The following TBX2 variants were observed in gnomAD, a reference collection of about 807,000 sequenced individuals.
TBX2 encodes T-box transcription factor 2, also known as T-box transcription factor TBX2.
In TBX2, 19 loss-of-function variants were observed where a neutral mutation model predicts 48.4. The observed-to-expected ratio is 0.39, with a 90% CI of 0.27 to 0.58. TBX2 has a LOEUF of 0.58. Ranked by LOEUF, TBX2 falls within the 20% of genes least tolerant of loss-of-function variation. TBX2 has a pLI of 0.54. For missense variants in TBX2, 994 were observed against 1,006.5 expected (o/e 0.99, Z 0.17); for synonymous variants, 522 against 459.7 (o/e 1.14, Z -1.73).
chr17:61,405,278 A>G lies in TBX2; in HGVS notation c.1128A>G (p.Leu376=). 1 of 1,566,424 alleles carries G rather than the reference A, an allele frequency of 6.4e-7. No homozygotes were observed. Among genetic ancestry groups the G allele is most frequent in the Non-Finnish European group, 8.6e-7 (1 of 1,164,240 alleles). The part of the protein sequence containing the change: ...RLSEERAGAP[L]GRSPAPDSAS... ...GCGAGGAGCGTGCGGGGGCGCCGCT[A>G]GGCCGCAGCCCGGCTCCAGACAGCG... is the stretch of plus-strand genomic sequence containing the variant. Residue 376 remains leucine, a synonymous_variant, in exon 6 of 7, where the codon CTA becomes CTG. Transcript: ENST00000240328.
At position 61,405,627 on chromosome 17, in the gene TBX2, C is replaced by A; in HGVS notation, c.1477C>A (p.Pro493Thr). ...LGAGQPLFLH[P>T]GQFTMGPGAF... is the part of the protein sequence containing the mutation. The stretch of plus-strand genomic sequence containing the variant: ...AGCCGGCCAGCCGCTCTTCCTGCAC[C>A]CTGGACAGTTCACCATGGGCCCTGG... Residue 493 changes from proline (P) to threonine (T), a missense_variant, in exon 6 of 7, where the codon CCT becomes ACT. By Grantham distance (38) the Pro-to-Thr change is conservative (BLOSUM62 -1). Transcript: ENST00000240328. The A allele has an allele frequency of 1.9e-6, 3 of 1,566,596 alleles. No homozygotes were observed. The highest frequency in any genetic ancestry group is 2.6e-6 in the Non-Finnish European group (3 of 1,160,336).
In TBX2 at chr17:61,404,690, G is replaced by C; in HGVS notation, c.972G>C (p.Ser324=). 1 of 1,578,022 alleles carries C rather than the reference G, an allele frequency of 6.3e-7. No homozygotes were observed. The highest frequency in any genetic ancestry group is 8.6e-7 in the Non-Finnish European group (1 of 1,162,312). ...ERDGAESDAS[S]CDPPPAREPP... ...ATGGCGCGGAGTCAGACGCCTCGTCGTGCGACCCTCCCCCCGCGCGGGAAC... is the reference window on the plus strand; with the variant it reads ...ATGGCGCGGAGTCAGACGCCTCGTCCTGCGACCCTCCCCCCGCGCGGGAAC... Residue 324 remains serine (S), a synonymous_variant, in exon 5 of 7, where the codon TCG becomes TCC. Coordinates refer to ENST00000240328, the MANE Select transcript of TBX2 (RefSeq NM_005994.4).
chr17:61,400,189 G>A lies in TBX2; in HGVS notation c.13G>A (p.Ala5Thr), dbSNP rs781121351. Reference sequence around the variant, plus strand: ...GCCGGATGTCCCGATGAGAGAGCCGGCGCTGGCGGCCAGCGCCATGGCTTA... The same window carrying A: ...GCCGGATGTCCCGATGAGAGAGCCGACGCTGGCGGCCAGCGCCATGGCTTA... MREP[A>T]LAASAMAYHP... The change falls in exon 1 of 7, where the codon GCG becomes ACG. Residue 5 changes from alanine to threonine, a missense_variant. By Grantham distance (58) the Ala-to-Thr change is moderately conservative (BLOSUM62 0). Around this residue, in one of 5 missense-constraint regions of TBX2, gnomAD observed 165 missense variants for 136.8 expected, o/e 1.21. Transcript: ENST00000240328. The surrounding 1 kb of genome is among the most constrained non-coding windows in gnomAD (Gnocchi z 9.2). The A allele has an allele frequency of 5.2e-6, 6 of 1,143,150 alleles. No homozygotes were observed. In the Admixed American group the frequency reaches 9.6e-5, roughly 18 times the overall value. 70.8% of individuals were successfully genotyped at this position (1,143,150 alleles called of 1,614,324 possible).
rs370843795 is a variant in TBX2, at chr17:61,404,752, G to A, written c.1034G>A (p.Arg345His). 4 of 1,548,366 alleles carry A rather than the reference G, an allele frequency of 2.6e-6. No homozygotes were observed. The South Asian group carries it at 4.7e-5, about 18-fold the overall frequency. ...TSPGAAPSPL[R>H]LHRARAEEKS... ...CCGGGCGCAGCGCCCAGTCCGCTGC[G>A]CCTGCACCGGGCCCGAGGTGAGGGT... The change falls in exon 5 of 7, where the codon CGC becomes CAC. Residue 345 changes from arginine (R) to histidine (H), a missense_variant. This residue lies in a region of TBX2 where 639 missense variants were observed against 613.2 expected (regional missense o/e 1.04). Transcript: ENST00000240328.
chr17:61,403,283 C>CGAA lies in TBX2; in HGVS notation c.810+77_810+78insAAG. 1 of 1,570,956 alleles carries CGAA rather than the reference C, an allele frequency of 6.4e-7. No homozygotes were observed. Among genetic ancestry groups the CGAA allele is most frequent in the Non-Finnish European group, 8.6e-7 (1 of 1,167,450 alleles). Reference sequence around the variant, plus strand: ...CGTGCAGGCCCAACCGTCCGTTCATCGCCCCTCGAAGCCCCCTGCACGGGA... The same window carrying CGAA: ...CGTGCAGGCCCAACCGTCCGTTCATCGAAGCCCCTCGAAGCCCCCTGCACGGGA... On this transcript the variant is annotated intron_variant, in intron 3 of 6. Coordinates refer to ENST00000240328, the MANE Select transcript of TBX2 (RefSeq NM_005994.4). The surrounding 1 kb of genome is among the most constrained non-coding windows in gnomAD (Gnocchi z 5.8).
chr17:61,400,809 A>T lies in TBX2; in HGVS notation c.395+238A>T, dbSNP rs2060261011. On this transcript the variant is annotated intron_variant, in intron 1 of 6. Coordinates refer to ENST00000240328, the MANE Select transcript of TBX2 (RefSeq NM_005994.4). This position sits in a 1 kb window ranked among gnomAD's most constrained non-coding sequence, Gnocchi z 9.2. ...CCTCCGAATGAAATAAAACGAAAAC[A>T]TACTGCTAAAGAATAGCCCCAACCG... Among the ~76,000 whole-genome samples the T allele has an allele frequency of 6.6e-6, 1 of 152,200 alleles. No homozygotes were observed. Among genetic ancestry groups the T allele is most frequent in the Non-Finnish European group, 1.5e-5 (1 of 68,030 alleles).
Position 61,403,359 on chromosome 17 carries a change from G to C in TBX2, c.810+152G>C. 7.7e-7 allele frequency: 1 copy of C among 1,293,666 alleles called. No homozygotes were observed. The highest frequency in any genetic ancestry group is 1.0e-6 in the Non-Finnish European group (1 of 961,722). The allele number at this position is 1,293,666 out of a possible 1,614,324, so 80.1% of individuals were successfully genotyped here. A position where few individuals can be genotyped will look rare whatever the true frequency, so the allele number is the denominator to read the frequency against. On this transcript the variant is annotated intron_variant, in intron 3 of 6. Transcript: ENST00000240328. The surrounding 1 kb of genome is among the most constrained non-coding windows in gnomAD (Gnocchi z 5.8). ...AGCACCGAGCCTCGCATCCATACGC[G>C]CAGCACTCACGGAAGTCCTCAAGGC...
chr17:61,404,352 C>T (rs1370371836), intron 3 of TBX2, 69 bp from the exon 4 acceptor site: 27 of 1,511,594 alleles, frequency 1.8e-5, no homozygotes, highest in Admixed American at 8.1e-5. Context: ...ACCCGCTGAC[C>T]TCGGGGTGCC....
rs1054124946 is a variant in TBX2 at position 61,403,866 on chromosome 17, T to C, written c.811-555T>C. ...GTGAAAGAGAGGGTACGAGTGTCCG[T>C]GCCGGTCGTTGTGGCTTTGTGAACC... On this transcript the variant is annotated intron_variant, in intron 3 of 6. Transcript: ENST00000240328. The surrounding 1 kb of genome is among the most constrained non-coding windows in gnomAD (Gnocchi z 5.8). Among the ~76,000 whole-genome samples the C allele has an allele frequency of 3.3e-5, 5 of 152,322 alleles. No individual in the cohort carries two copies. The highest frequency in any genetic ancestry group is 6.5e-5 in the Admixed American group (1 of 15,310).
intron 5 of TBX2, 58 bp downstream of exon 5, chr17:61,404,827 T>TG: frequency 6.5e-7 from 1 of 1,531,996 alleles, no homozygotes; most frequent in African/African-American, 1.4e-5. Flanking sequence ...CTCAGGTCGC[T>TG]GGGCTGGTCT....
chr17:61,401,764 C>CCGCTGA lies in TBX2; in HGVS notation c.479_484dup (p.Ala160_Asp161dup), dbSNP rs756476175. ...TATATCCTGCTGATGGACATTGTAGCCGCTGACGATTGCCGCTATAAGTTC... is the reference window on the plus strand; with the variant it reads ...TATATCCTGCTGATGGACATTGTAGCCGCTGACGCTGACGATTGCCGCTATAAGTTC... On this transcript the variant is annotated inframe_insertion, in exon 2 of 7. Coordinates refer to ENST00000240328, the MANE Select transcript of TBX2 (RefSeq NM_005994.4). 7 of 1,613,146 alleles carry CCGCTGA rather than the reference C, an allele frequency of 4.3e-6. No individual in the cohort carries two copies. The highest frequency in any genetic ancestry group is 5.9e-6 in the Non-Finnish European group (7 of 1,180,022).
chr17:61,400,681 C>T lies in TBX2; in HGVS notation c.395+110C>T. The T allele has an allele frequency of 8.7e-7, 1 of 1,152,310 alleles. No homozygotes were observed. Among genetic ancestry groups the T allele is most frequent in the South Asian group, 1.6e-5 (1 of 62,332 alleles). 71.4% of individuals were successfully genotyped at this position (1,152,310 alleles called of 1,614,324 possible). ...ACTCCCGGCTCCCGGCTCCCGGCTC[C>T]AGGTTCTGGCCCTGACGCCACGCTT... On this transcript the variant is annotated intron_variant, in intron 1 of 6. Transcript: ENST00000240328. This position sits in a 1 kb window ranked among gnomAD's most constrained non-coding sequence, Gnocchi z 9.2.
At chr17:61,407,900 T>G (rs2060295104) in intron 6 of TBX2, 154 bp from the exon 7 acceptor site, 1 of 990,622 alleles carries the variant, frequency 1.0e-6, no homozygotes, top group Non-Finnish European at 1.5e-6. Flanking sequence ...CACTGGCTCA[T>G]GCTTACCTGT....
chr17:61,408,039 TTC>T lies in TBX2; in HGVS notation c.1687-13_1687-12del. On this transcript the variant is annotated splice_polypyrimidine_tract_variant and intron_variant, in intron 6 of 6. Transcript: ENST00000240328. Reference sequence around the variant, plus strand: ...GGCAAGATGTCTAACCCTCGTCTTGTTCTGTTTCTTCCAGGGAATTCCAATGC... The same window carrying T: ...GGCAAGATGTCTAACCCTCGTCTTGTTGTTTCTTCCAGGGAATTCCAATGC... 1 of 1,560,070 alleles carries T rather than the reference TTC, an allele frequency of 6.4e-7. No individual in the cohort carries two copies. Among genetic ancestry groups the T allele is most frequent in the Non-Finnish European group, 8.6e-7 (1 of 1,156,468 alleles).
rs758713361 is a variant in TBX2, at chr17:61,408,157, C to A, written c.1790C>A (p.Ala597Asp). ...GCTTTGCCCGCCACTAGTGCTGCAG[C>A]TGCCGCCGCCGCAGCCGCCGGCTCC... is the stretch of plus-strand genomic sequence containing the variant. The part of the protein sequence containing the change: ...ASALPATSAA[A>D]AAAAAAGSLS... The change falls in exon 7 of 7, where the codon GCT becomes GAT. Residue 597 changes from alanine (A) to aspartate (D), a missense_variant. Ala to Asp is a moderately radical substitution (Grantham distance 126). Around this residue, in one of 5 missense-constraint regions of TBX2, gnomAD observed 639 missense variants for 613.2 expected, o/e 1.04. Coordinates refer to ENST00000240328, the MANE Select transcript of TBX2 (RefSeq NM_005994.4). The A allele has an allele frequency of 3.7e-6, 6 of 1,611,268 alleles. No individual in the cohort carries two copies. In the Admixed American group the frequency reaches 1.0e-4, roughly 27 times the overall value.
Position 61,400,399 on chromosome 17 carries a change from C to A in TBX2, c.223C>A (p.Leu75Met). Residue 75 changes from leucine (L) to methionine (M), a missense_variant, in exon 1 of 7, where the codon CTG (leucine) becomes ATG (methionine). Coordinates refer to ENST00000240328, the MANE Select transcript of TBX2 (RefSeq NM_005994.4). This position sits in a 1 kb window ranked among gnomAD's most constrained non-coding sequence, Gnocchi z 9.2. The stretch of plus-strand genomic sequence containing the variant: ...GGCGGCAGCAGCGGCCGAGGCGGGG[C>A]TGCACGTCTCGGCACTGGGCCCGCA... ...AAAAAAAEAG[L>M]HVSALGPHPP... The A allele has an allele frequency of 6.8e-7, 1 of 1,461,074 alleles. No homozygotes were observed. Among genetic ancestry groups the A allele is most frequent in the Non-Finnish European group, 9.1e-7 (1 of 1,102,172 alleles). 90.5% of individuals were successfully genotyped at this position (1,461,074 alleles called of 1,614,324 possible).
At position 61,409,089 on chromosome 17, in the gene TBX2, G is replaced by T. The variant is rs1053523935; in HGVS notation, c.*583G>T. On this transcript the variant is annotated 3_prime_UTR_variant, in exon 7 of 7. Transcript: ENST00000240328. ...GAGTCCCCAGGGGAAAAAAAAAAAA[G>T]ATATTTATGAAATAAATGGTAATTT... is the stretch of plus-strand genomic sequence containing the variant. The T allele has an allele frequency of 2.7e-5, 4 of 146,998 alleles. No individual in the cohort carries two copies. The highest frequency in any genetic ancestry group is 2.0e-4 in the Admixed American group (3 of 14,878). 9.1% of individuals were successfully genotyped at this position (146,998 alleles called of 1,614,324 possible). A position where few individuals can be genotyped will look rare whatever the true frequency, so the allele number is the denominator to read the frequency against.
In TBX2 at chr17:61,403,330, C is replaced by T; in HGVS notation, c.810+123C>T. ...GGGATCCGCGCTCTTGCGGCCCGCC[C>T]CCGAGCACCGAGCCTCGCATCCATA... On this transcript the variant is annotated intron_variant, in intron 3 of 6. Transcript: ENST00000240328. The surrounding 1 kb of genome is among the most constrained non-coding windows in gnomAD (Gnocchi z 5.8). 1.4e-6 allele frequency: 2 copies of T among 1,448,570 alleles called. No homozygotes were observed. Among genetic ancestry groups the T allele is most frequent in the South Asian group, 2.5e-5 (2 of 78,658 alleles). The allele number at this position is 1,448,570 out of a possible 1,614,324, so 89.7% of individuals were successfully genotyped here. A position where few individuals can be genotyped will look rare whatever the true frequency, so the allele number is the denominator to read the frequency against.
In TBX2 at chr17:61,404,739, C is replaced by T; in HGVS notation, c.1021C>T (p.Pro341Ser). Residue 341 changes from proline to serine, a missense_variant, in exon 5 of 7, where the codon CCC becomes TCC. By Grantham distance (74) the Pro-to-Ser change is moderately conservative. This residue lies in a region of TBX2 where 639 missense variants were observed against 613.2 expected (regional missense o/e 1.04). Coordinates refer to ENST00000240328, the MANE Select transcript of TBX2 (RefSeq NM_005994.4). ...ACCACCCACCTCCCCGGGCGCAGCG[C>T]CCAGTCCGCTGCGCCTGCACCGGGC... is the stretch of plus-strand genomic sequence containing the variant. ...REPPTSPGAA[P>S]SPLRLHRARA... The T allele has an allele frequency of 6.4e-7, 1 of 1,551,946 alleles. No individual in the cohort carries two copies. Among genetic ancestry groups the T allele is most frequent in the Non-Finnish European group, 8.7e-7 (1 of 1,150,268 alleles).
Sources: gnomAD v4.1 joint callset for allele counts (sites outside exome capture counted in the v4.1 genomes callset) on GRCh38, gnomAD v4.1.1 for gene constraint, gnomAD v4.1.1 regional missense constraint, Gnocchi (gnomAD v3.1) non-coding constraint, MANE v1.5 for transcripts, NCBI Gene and HGNC (gene_info 2026-07-23, HGNC 2026-07-21) for gene names.